The following IL7 variants were observed in gnomAD, a reference collection of about 807,000 sequenced individuals.
IL7 encodes interleukin-7.
In IL7, 3 loss-of-function variants were observed where a neutral mutation model predicts 21.6. The ratio of observed to expected loss-of-function variants is 0.14; its 90% CI spans 0.06 to 0.36. IL7 has a LOEUF of 0.36. Among genes scored for constraint, IL7 ranks in the 10% least tolerant of loss-of-function variants. The probability of loss-of-function intolerance (pLI) is 1.00; values close to 1 mark genes in which losing one functional copy is unlikely to be tolerated. For synonymous variants in IL7, 62 were observed against 68.1 expected, an observed-to-expected ratio of 0.91 and a Z score of 0.44; for missense variants, 175 against 200.2, an observed-to-expected ratio of 0.87 and a Z score of 0.76.
At chr8:78,705,498 C>T (rs1376422038) in intron 3 of IL7, among the ~76,000 whole-genome samples, 2 of 152,192 alleles carry the variant, frequency 1.3e-5, no homozygotes, top group African/African-American at 2.4e-5. Context: ...AGCCAAAGAA[C>T]ACCTGTGGGT....
chr8:78,780,289 C>A (rs1039014745), intron 2 of IL7, among the ~76,000 whole-genome samples: 9 of 151,890 alleles, frequency 5.9e-5, no homozygotes, highest in Admixed American at 5.9e-4. Context: ...GGTTTGTTTG[C>A]CCTTGGTTCT....
intron 2 of IL7, chr8:78,747,185 TTGC>T: frequency 2.7e-6 from 1 of 368,226 alleles, no homozygotes. Flanking sequence ...ATATACTTCA[TTGC>T]TTTTTTTTTT....
chr8:78,734,505 A>G (rs1415399976), intron 5 of IL7, among the ~76,000 whole-genome samples: 1 of 152,232 alleles, frequency 6.6e-6, no homozygotes, highest in East Asian at 1.9e-4. Context: ...CTTCACTTAG[A>G]TAACAACTAG....
downstream of IL7, among the ~76,000 whole-genome samples, chr8:78,675,044 AC>A (rs1306578146): frequency 6.6e-6 from 1 of 151,892 alleles, no homozygotes; most frequent in Non-Finnish European, 1.5e-5. Context: ...ATGCAGAATC[AC>A]AAAGAATGCA....
chr8:78,735,662 A>G (rs1312298458), intron 5 of IL7, among the ~76,000 whole-genome samples: 1 of 151,980 alleles, frequency 6.6e-6, no homozygotes, highest in Non-Finnish European at 1.5e-5. Flanking sequence ...GGGTGATTAT[A>G]TTGCTTTTAG....
At chr8:78,757,975 A>G (rs1812408348) in intron 2 of IL7, among the ~76,000 whole-genome samples, 4 of 152,028 alleles carry the variant, frequency 2.6e-5, no homozygotes, top group African/African-American at 7.2e-5. Flanking sequence ...TACAAGTTCT[A>G]TTGCCAGCCC....
At chr8:78,734,136 G>T (rs1411461467) in intron 5 of IL7, among the ~76,000 whole-genome samples, 5 of 152,194 alleles carry the variant, frequency 3.3e-5, no homozygotes, top group Non-Finnish European at 5.9e-5. Context: ...AAAGGTAATT[G>T]TAGGTTACTC....
chr8:78,720,102 T>C (rs1811209368), intron 5 of IL7, among the ~76,000 whole-genome samples: 1 of 151,842 alleles, frequency 6.6e-6, no homozygotes, highest in South Asian at 2.1e-4. Context: ...GGCAAAGTTA[T>C]TTGTGATGAA....
intron 5 of IL7, among the ~76,000 whole-genome samples, chr8:78,734,567 G>A (rs1439352914): frequency 1.3e-5 from 2 of 152,142 alleles, no homozygotes; most frequent in Admixed American, 1.3e-4. Flanking sequence ...CCTAGACCAG[G>A]AGGTGATATC....
At chr8:78,750,179 G>A (rs1190509381) in intron 2 of IL7, among the ~76,000 whole-genome samples, 1 of 152,032 alleles carries the variant, frequency 6.6e-6, no homozygotes, top group Non-Finnish European at 1.5e-5. Context: ...CCCAGCTCAA[G>A]GGTCCTCTAG....
chr8:78,767,594 C>G (rs565182838), intron 2 of IL7, among the ~76,000 whole-genome samples: 2 of 151,994 alleles, frequency 1.3e-5, no homozygotes, highest in African/African-American at 2.4e-5. Flanking sequence ...CCTCCCATAA[C>G]CACGCACTTT....
At chr8:78,764,642 T>A (rs188893638) in intron 2 of IL7, among the ~76,000 whole-genome samples, 1 of 151,590 alleles carries the variant, frequency 6.6e-6, no homozygotes, top group Non-Finnish European at 1.5e-5. Flanking sequence ...AAAATACATA[T>A]GAGGAAAACT....
downstream of IL7, among the ~76,000 whole-genome samples, chr8:78,731,358 A>AT (rs528834063): frequency 1.8e-3 from 273 of 152,016 alleles, no homozygotes; most frequent in African/African-American, 5.9e-3. Flanking sequence ...TAGGTTAGGG[A>AT]TTTTTAATGT....
chr8:78,705,980 C>T (rs577736742), intron 3 of IL7, among the ~76,000 whole-genome samples: 1 of 152,260 alleles, frequency 6.6e-6, no homozygotes, highest in East Asian at 1.9e-4. Flanking sequence ...TGAGGTCCTG[C>T]TCTGTGATGA....
intron 5 of IL7, among the ~76,000 whole-genome samples, chr8:78,720,467 C>T (rs1811217471): frequency 6.6e-6 from 1 of 151,670 alleles, no homozygotes; most frequent in South Asian, 2.1e-4. Context: ...ATTTTAAACA[C>T]AGTTTTGCTT....
chr8:78,762,960 G>A (rs1812627949), intron 2 of IL7, among the ~76,000 whole-genome samples: 1 of 152,164 alleles, frequency 6.6e-6, no homozygotes, highest in Non-Finnish European at 1.5e-5. Context: ...ATTGTTTGGG[G>A]AAGATGTTTT....
intron 2 of IL7, chr8:78,761,350 G>A: frequency 3.7e-6 from 6 of 1,611,670 alleles, no homozygotes; most frequent in Non-Finnish European, 5.1e-6. Context: ...CACAGAAAGA[G>A]CAGAGTGTGT....
chr8:78,722,190 A>T (rs1051924257), intron 3 of IL7, among the ~76,000 whole-genome samples: 5 of 151,890 alleles, frequency 3.3e-5, no homozygotes, highest in Non-Finnish European at 7.4e-5. Flanking sequence ...TGTTTTTCAG[A>T]GTTACTCATG....
chr8:78,676,309 T>G (rs1809577113), intron 4 of IL7, among the ~76,000 whole-genome samples: 1 of 151,922 alleles, frequency 6.6e-6, no homozygotes, highest in African/African-American at 2.4e-5. Context: ...TAGTTAATTA[T>G]CCTTTTCTGT....
Sources: allele counts gnomAD v4.1 joint callset (sites outside exome capture counted in the v4.1 genomes callset), GRCh38; gene constraint gnomAD v4.1.1; transcripts MANE v1.5; gene names NCBI Gene and HGNC (gene_info 2026-07-23, HGNC 2026-07-21).